FRMD5: variants seen among roughly 807,000 people sequenced by gnomAD.
FRMD5 encodes FERM domain-containing protein 5.
Under a neutral mutation model 69.0 loss-of-function variants are expected in FRMD5, and 20 were observed. The observed-to-expected ratio is 0.29, with a 90% CI of 0.20 to 0.42. The LOEUF (loss-of-function observed/expected upper bound fraction) is 0.42. Among genes scored for constraint, FRMD5 ranks in the 10% least tolerant of loss-of-function variants. The pLI is 1.00. For missense variants in FRMD5, 595 were observed against 708.6 expected, an observed-to-expected ratio of 0.84 and a Z score of 1.82; for synonymous variants, 271 against 260.1, an observed-to-expected ratio of 1.04 and a Z score of -0.40.
chr15:43,982,023 C>A (rs2140624955), intron 1 of FRMD5, among the ~76,000 whole-genome samples: 1 of 152,366 alleles, frequency 6.6e-6, no homozygotes, highest in African/African-American at 2.4e-5. Context: ...TTACTTGGAG[C>A]TTGATGGCTC....
chr15:44,057,806 G>C (rs1892932949), intron 1 of FRMD5, among the ~76,000 whole-genome samples: 1 of 152,192 alleles, frequency 6.6e-6, no homozygotes. Context: ...AAATGGGATA[G>C]GAGTTAGAGA....
intron 1 of FRMD5, among the ~76,000 whole-genome samples, chr15:44,054,841 G>A (rs181102231): frequency 6.6e-6 from 1 of 152,194 alleles, no homozygotes; most frequent in Non-Finnish European, 1.5e-5. Flanking sequence ...GGAGGCCGAG[G>A]CGGGCACATC....
At chr15:43,943,606 TG>T (rs923270777) in intron 1 of FRMD5, among the ~76,000 whole-genome samples, 6 of 152,328 alleles carry the variant, frequency 3.9e-5, no homozygotes, top group Non-Finnish European at 7.4e-5. Flanking sequence ...ATCCAGTTAT[TG>T]GTTCCTTATA....
chr15:43,904,116 G>A (rs2140404138), intron 6 of FRMD5, among the ~76,000 whole-genome samples: 1 of 152,300 alleles, frequency 6.6e-6, no homozygotes. Flanking sequence ...CTGCCACAAG[G>A]CATGGGCAGA....
intron 1 of FRMD5, among the ~76,000 whole-genome samples, chr15:44,022,143 A>T (rs898904511): frequency 2.0e-5 from 3 of 152,196 alleles, no homozygotes; most frequent in Non-Finnish European, 4.4e-5. Context: ...AGGGAGTAAT[A>T]GTTTCTGTTT....
At chr15:43,912,682 C>T (rs1245879881) in intron 4 of FRMD5, among the ~76,000 whole-genome samples, 2 of 151,820 alleles carry the variant, frequency 1.3e-5, no homozygotes, top group Non-Finnish European at 2.9e-5. Flanking sequence ...AGGGGGAGCC[C>T]GTCAGAATCT....
intron 1 of FRMD5, among the ~76,000 whole-genome samples, chr15:44,048,104 TATAAAC>T (rs983023906): frequency 2.0e-5 from 3 of 152,214 alleles, no homozygotes; most frequent in African/African-American, 7.2e-5. Context: ...ATGGTAACTC[TATAAAC>T]ATAGAGTTTA....
rs1231940659 is a variant in FRMD5, at chr15:43,905,819, G to C, written c.551+9C>G. On this transcript the variant is annotated intron_variant, in intron 6 of 13. Transcript: ENST00000417257. ...CACAATGTTCTGGGCCTGATTAAGT[G>C]CCACGTACCTCAGTTCCGTCTTGTG... is the stretch of plus-strand genomic sequence containing the variant. The C allele has an allele frequency of 1.2e-6, 2 of 1,613,838 alleles. No individual in the cohort carries two copies. Among genetic ancestry groups the C allele is most frequent in the Middle Eastern group, 1.7e-4 (1 of 5,810 alleles).
At chr15:44,031,373 C>T (rs539113756) in intron 1 of FRMD5, among the ~76,000 whole-genome samples, 13 of 152,226 alleles carry the variant, frequency 8.5e-5, no homozygotes, top group Non-Finnish European at 1.5e-4. Flanking sequence ...AATACCATAA[C>T]CTGGGTGGCT....
chr15:44,002,917 A>G (rs1238865385), intron 1 of FRMD5, among the ~76,000 whole-genome samples: 1 of 152,030 alleles, frequency 6.6e-6, no homozygotes, highest in Non-Finnish European at 1.5e-5. Context: ...CCCTTTTCTA[A>G]CAATGAGAGA....
chr15:43,874,550 T>C (rs1427127655), intron 13 of FRMD5, 88 bp from the exon 14 acceptor site: 3 of 916,056 alleles, frequency 3.3e-6, no homozygotes, highest in Non-Finnish European at 5.3e-6. Context: ...TTGGGTACCA[T>C]TCTGCACACC....
chr15:44,027,690 G>T (rs1384941052), intron 1 of FRMD5, among the ~76,000 whole-genome samples: 2 of 131,354 alleles, frequency 1.5e-5, no homozygotes. Context: ...TCGCTCTGTT[G>T]CCCGGGCTGG....
intron 7 of FRMD5, among the ~76,000 whole-genome samples, chr15:43,898,966 C>T (rs117292211): frequency 0.023 from 3,513 of 152,310 alleles, 80 homozygotes; most frequent in Non-Finnish European, 0.033. Context: ...GGAAGAACAG[C>T]AGCTTCTTAA....
At chr15:44,112,860 G>A (rs535953647) in intron 1 of FRMD5, among the ~76,000 whole-genome samples, 3 of 152,036 alleles carry the variant, frequency 2.0e-5, no homozygotes, top group South Asian at 4.1e-4. Context: ...CTCCCAAAGT[G>A]CTGGGACTAC....
At chr15:43,925,161 C>T (rs574366475) in intron 1 of FRMD5, among the ~76,000 whole-genome samples, 3 of 152,082 alleles carry the variant, frequency 2.0e-5, no homozygotes, top group East Asian at 1.9e-4. Flanking sequence ...TGTGCCACCA[C>T]GTCCAGCTAA....
chr15:43,897,022 TG>T (rs2140385625), intron 7 of FRMD5, among the ~76,000 whole-genome samples: 1 of 152,214 alleles, frequency 6.6e-6, no homozygotes, highest in South Asian at 2.1e-4. Flanking sequence ...GTAAGAGATT[TG>T]GTGTTACTCC....
chr15:44,053,280 G>C (rs1442375388), intron 1 of FRMD5, among the ~76,000 whole-genome samples: 1 of 152,178 alleles, frequency 6.6e-6, no homozygotes, highest in East Asian at 1.9e-4. Context: ...GTCCTTGCCA[G>C]TCATGGTAAA....
Position 44,136,736 on chromosome 15 carries a change from G to A in FRMD5, c.102+58217C>T, listed in dbSNP as rs141360190. ...ACACATGCCATTATATTTCAGTTTTGCAATGTTATGGTTGAGACAACCTTG... is the reference window on the plus strand; with the variant it reads ...ACACATGCCATTATATTTCAGTTTTACAATGTTATGGTTGAGACAACCTTG... On this transcript the variant is annotated intron_variant, in intron 1 of 13. Coordinates refer to ENST00000417257, the MANE Select transcript of FRMD5 (RefSeq NM_032892.5). Among the ~76,000 whole-genome samples, 18 of 152,094 alleles carry A rather than the reference G, an allele frequency of 1.2e-4. No homozygotes were observed. The East Asian group carries it at 3.5e-3, about 29-fold the overall frequency.
intron 1 of FRMD5, among the ~76,000 whole-genome samples, chr15:44,099,764 C>A (rs1456296738): frequency 6.6e-6 from 1 of 152,156 alleles, no homozygotes; most frequent in African/African-American, 2.4e-5. Flanking sequence ...TACTTTTAGG[C>A]TTGCTATGGA....
Sources: allele counts gnomAD v4.1 joint callset (sites outside exome capture counted in the v4.1 genomes callset), GRCh38; gene constraint gnomAD v4.1.1; transcripts MANE v1.5; gene names NCBI Gene and HGNC (gene_info 2026-07-23, HGNC 2026-07-21).